Variants in OPCML observed in about 807,000 individuals in gnomAD.
OPCML encodes opioid binding protein/cell adhesion molecule like, also known as opioid-binding protein/cell adhesion molecule.
In OPCML, 13 loss-of-function variants were observed where a neutral mutation model predicts 37.8. The observed-to-expected ratio is 0.34, with a 90% CI of 0.22 to 0.55. OPCML has a LOEUF of 0.55. Ranked by LOEUF, OPCML falls within the 20% of genes least tolerant of loss-of-function variation. The probability of loss-of-function intolerance (pLI) is 0.91; values close to 1 mark genes in which losing one functional copy is unlikely to be tolerated. For missense variants in OPCML, 341 were observed against 435.6 expected (o/e 0.78, Z 1.93); for synonymous variants, 176 against 168.8 (o/e 1.04, Z -0.33).
intron 4 of OPCML, among the ~76,000 whole-genome samples, chr11:132,476,801 T>G (rs1366345723): frequency 6.6e-6 from 1 of 151,734 alleles, no homozygotes; most frequent in Non-Finnish European, 1.5e-5. Context: ...GTAACAAACC[T>G]GCATGTTGTG....
At chr11:132,464,897 C>A (rs2136927718) in intron 4 of OPCML, among the ~76,000 whole-genome samples, 1 of 152,268 alleles carries the variant, frequency 6.6e-6, no homozygotes, top group Non-Finnish European at 1.5e-5. Flanking sequence ...TTCCCTTCCC[C>A]AGAGGAAAGC....
intron 1 of OPCML, among the ~76,000 whole-genome samples, chr11:133,481,343 A>T (rs1340279201): frequency 6.6e-6 from 1 of 152,130 alleles, no homozygotes; most frequent in Admixed American, 6.5e-5. Context: ...AGCCCAGAAA[A>T]GGGAAATTAC....
chr11:132,478,951 T>C (rs895607761), intron 4 of OPCML, among the ~76,000 whole-genome samples: 11 of 152,148 alleles, frequency 7.2e-5, no homozygotes, highest in Non-Finnish European at 2.9e-5. Context: ...ATGTATCAAA[T>C]GTTCAGGCAT....
chr11:133,340,701 G>A (rs367669502), intron 1 of OPCML, among the ~76,000 whole-genome samples: 10 of 145,134 alleles, frequency 6.9e-5, no homozygotes, highest in Admixed American at 4.2e-4. Context: ...AGCCATTCTC[G>A]GTATAACTAC....
chr11:133,244,638 T>C (rs2136418990), intron 1 of OPCML, among the ~76,000 whole-genome samples: 1 of 152,250 alleles, frequency 6.6e-6, no homozygotes, highest in Non-Finnish European at 1.5e-5. Context: ...CTCAGGATAG[T>C]GAGTGAGTTC....
rs1178714554 is a variant in OPCML, at chr11:132,593,358, T to C, written c.379+63729A>G. Among the ~76,000 whole-genome samples the C allele has an allele frequency of 3.3e-5, 5 of 152,174 alleles. No homozygotes were observed. The East Asian group carries it at 9.6e-4, about 29-fold the overall frequency. On this transcript the variant is annotated intron_variant, in intron 3 of 7. Transcript: ENST00000524381. ...ACCTCACTCGGTTTCCTGTAGACCA[T>C]GGCAAAGAGCATGCATTGTATTCCA...
intron 3 of OPCML, among the ~76,000 whole-genome samples, chr11:132,545,244 G>A (rs1459995692): frequency 1.3e-5 from 2 of 152,154 alleles, no homozygotes; most frequent in African/African-American, 2.4e-5. Flanking sequence ...GAGCTGTGAA[G>A]TGGCGAGATT....
At chr11:133,007,062 A>T in intron 1 of OPCML, 4 of 985,472 alleles carry the variant, frequency 4.1e-6, no homozygotes, top group Non-Finnish European at 4.8e-6. Context: ...TTTTCTTTCC[A>T]GACTTTGAGA....
intron 2 of OPCML, among the ~76,000 whole-genome samples, chr11:132,842,707 C>T (rs1941347485): frequency 6.6e-6 from 1 of 152,216 alleles, no homozygotes; most frequent in South Asian, 2.1e-4. Flanking sequence ...AGGATTCATG[C>T]CAGCCCTGGT....
chr11:132,944,869 T>G (rs1219268160), intron 1 of OPCML, among the ~76,000 whole-genome samples: 1 of 152,234 alleles, frequency 6.6e-6, no homozygotes, highest in Non-Finnish European at 1.5e-5. Context: ...CTACTGTATT[T>G]TCTCTCAGAG....
intron 1 of OPCML, among the ~76,000 whole-genome samples, chr11:133,184,998 T>C (rs1938008644): frequency 6.6e-6 from 1 of 152,194 alleles, no homozygotes; most frequent in Non-Finnish European, 1.5e-5. Flanking sequence ...TTTCCTTCAA[T>C]TTTGACTCTA....
intron 1 of OPCML, among the ~76,000 whole-genome samples, chr11:133,147,907 T>A (rs886248466): frequency 1.2e-4 from 18 of 152,182 alleles, no homozygotes; most frequent in African/African-American, 4.3e-4. Context: ...ATTGCCCCGT[T>A]TACTGCCCGT....
intron 3 of OPCML, among the ~76,000 whole-genome samples, chr11:132,596,959 T>G (rs1377054962): frequency 6.6e-6 from 1 of 152,174 alleles, no homozygotes; most frequent in Non-Finnish European, 1.5e-5. Flanking sequence ...TTGAAGCACT[T>G]GAATTTCTAG....
intron 1 of OPCML, among the ~76,000 whole-genome samples, chr11:133,213,911 T>C (rs1231606514): frequency 6.6e-6 from 1 of 152,190 alleles, no homozygotes; most frequent in Non-Finnish European, 1.5e-5. Context: ...TATAATGTGA[T>C]AACATCATCT....
At chr11:132,758,734 T>C (rs763181709) in intron 2 of OPCML, among the ~76,000 whole-genome samples, 86 of 152,240 alleles carry the variant, frequency 5.6e-4, no homozygotes, top group Non-Finnish European at 8.8e-4. Context: ...TACACAATCA[T>C]GTCATCTGCA....
chr11:133,417,935 A>T (rs1945803066), intron 1 of OPCML, among the ~76,000 whole-genome samples: 1 of 148,898 alleles, frequency 6.7e-6, no homozygotes, highest in Non-Finnish European at 1.5e-5. Context: ...TAAAAATAAA[A>T]ATATAGGAAA....
At chr11:133,253,427 A>T (rs370393640) in intron 1 of OPCML, among the ~76,000 whole-genome samples, 2 of 152,144 alleles carry the variant, frequency 1.3e-5, no homozygotes, top group East Asian at 1.9e-4. Flanking sequence ...CTCTTGCCTT[A>T]GTCTCCCAAG....
intron 2 of OPCML, among the ~76,000 whole-genome samples, chr11:132,754,555 G>T (rs1249978426): frequency 6.6e-6 from 1 of 151,894 alleles, no homozygotes; most frequent in Non-Finnish European, 1.5e-5. Flanking sequence ...ATCTTTATCA[G>T]CAGAATGAAA....
intron 1 of OPCML, among the ~76,000 whole-genome samples, chr11:133,104,523 T>C (rs1168366066): frequency 6.6e-6 from 1 of 152,264 alleles, no homozygotes; most frequent in East Asian, 1.9e-4. Context: ...TTTGGCATTC[T>C]GCCTGTCTAT....
Sources: gnomAD v4.1 joint callset for allele counts (sites outside exome capture counted in the v4.1 genomes callset) on GRCh38, gnomAD v4.1.1 for gene constraint, MANE v1.5 for transcripts, NCBI Gene and HGNC (gene_info 2026-07-23, HGNC 2026-07-21) for gene names.